The following NTNG1 variants were observed in gnomAD, a reference collection of about 807,000 sequenced individuals.
NTNG1 encodes netrin G1, also known as netrin-G1.
In NTNG1, 16 loss-of-function variants were observed where a neutral mutation model predicts 54.0. That is an observed-to-expected ratio of 0.30 (90% confidence interval 0.20 to 0.45). The LOEUF is 0.45. Among genes scored for constraint, NTNG1 ranks in the 20% least tolerant of loss-of-function variants. The pLI is 1.00. For synonymous variants in NTNG1, 255 were observed against 263.1 expected (o/e 0.97, Z 0.30); for missense variants, 530 against 678.7 (o/e 0.78, Z 2.43).
intron 4 of NTNG1, among the ~76,000 whole-genome samples, chr1:107,399,761 G>C (rs1672900752): frequency 7.2e-5 from 11 of 152,158 alleles, no homozygotes; most frequent in Admixed American, 7.2e-4. Context: ...GGTGGGTCTT[G>C]ACTCTGAGGA....
chr1:107,428,152 A>T (rs1412896576), intron 5 of NTNG1, among the ~76,000 whole-genome samples: 3 of 152,090 alleles, frequency 2.0e-5, no homozygotes, highest in Non-Finnish European at 2.9e-5. Context: ...ACATTTCCCT[A>T]ACTTCATACC....
intron 7 of NTNG1, among the ~76,000 whole-genome samples, chr1:107,447,204 A>T (rs1676358644): frequency 6.6e-6 from 1 of 152,054 alleles, no homozygotes; most frequent in South Asian, 2.1e-4. Context: ...TTTAATTAGT[A>T]TTGTTGACCC....
At position 107,229,856 on chromosome 1, in the gene NTNG1, G is replaced by A. The variant is rs117217001; in HGVS notation, c.246+81017G>A. 1.6e-4 allele frequency among the ~76,000 whole-genome samples: 25 copies of A among 152,076 alleles called. No homozygotes were observed. In the East Asian group the frequency reaches 4.5e-3, roughly 27 times the overall value. ...GCGATGATCCTCTGAGAGACAGCTG[G>A]AAGAAAATGCAGTGGTTCCTCTCTT... On this transcript the variant is annotated intron_variant, in intron 2 of 7. Coordinates refer to ENST00000370068, the MANE Select transcript of NTNG1 (RefSeq NM_001113226.3).
chr1:107,186,863 C>G (rs900301416), intron 2 of NTNG1, among the ~76,000 whole-genome samples: 13 of 152,096 alleles, frequency 8.5e-5, no homozygotes, highest in African/African-American at 3.1e-4. Flanking sequence ...GACATTCTAC[C>G]TGGATTATCT....
rs759511052 is a variant in NTNG1, at chr1:107,481,926, C to T, written c.*1086C>T. The T allele has an allele frequency of 2.0e-5, 3 of 152,240 alleles. No individual in the cohort carries two copies. The highest frequency in any genetic ancestry group is 4.4e-5 in the Non-Finnish European group (3 of 68,024). 9.4% of individuals were successfully genotyped at this position (152,240 alleles called of 1,614,324 possible). A position where few individuals can be genotyped will look rare whatever the true frequency, so the allele number is the denominator to read the frequency against. The stretch of plus-strand genomic sequence containing the variant: ...ACCAAGCAGTTTCACACTCACTTTA[C>T]TGATTTCTGTGTGGACTGAGTACAT... On this transcript the variant is annotated 3_prime_UTR_variant, in exon 8 of 8. Coordinates refer to ENST00000370068, the MANE Select transcript of NTNG1 (RefSeq NM_001113226.3).
At chr1:107,427,295 A>G (rs1557991071) in intron 5 of NTNG1, among the ~76,000 whole-genome samples, 1 of 152,072 alleles carries the variant, frequency 6.6e-6, no homozygotes, top group East Asian at 1.9e-4. Context: ...GGAGTATATA[A>G]AAGGAAGTGA....
chr1:107,179,886 G>T (rs1371712086), intron 2 of NTNG1, among the ~76,000 whole-genome samples: 1 of 152,132 alleles, frequency 6.6e-6, no homozygotes, highest in Non-Finnish European at 1.5e-5. Context: ...GAAGCATTGT[G>T]AGGGAGTAAG....
intron 3 of NTNG1, among the ~76,000 whole-genome samples, chr1:107,325,833 C>T (rs965548835): frequency 6.6e-6 from 1 of 151,848 alleles, no homozygotes; most frequent in Non-Finnish European, 1.5e-5. Context: ...GAAATAACAC[C>T]CCAGTAAAAA....
intron 5 of NTNG1, 51 bp downstream of exon 5, chr1:107,407,759 T>C (rs745715252): frequency 1.4e-5 from 20 of 1,476,094 alleles, no homozygotes; most frequent in Non-Finnish European, 1.8e-5. Context: ...TAGGCTAGCT[T>C]TGCTTTGTTG....
intron 2 of NTNG1, among the ~76,000 whole-genome samples, chr1:107,295,469 A>G (rs1185977671): frequency 1.3e-5 from 2 of 152,150 alleles, no homozygotes; most frequent in Non-Finnish European, 1.5e-5. Flanking sequence ...GGCTTATGCA[A>G]TTGACACCCA....
intron 3 of NTNG1, among the ~76,000 whole-genome samples, chr1:107,355,620 G>C (rs1669892751): frequency 6.6e-6 from 1 of 152,082 alleles, no homozygotes; most frequent in African/African-American, 2.4e-5. Context: ...AAACAAATAA[G>C]TTTCCTTGCC....
intron 4 of NTNG1, among the ~76,000 whole-genome samples, chr1:107,403,955 C>T (rs966811342): frequency 1.3e-5 from 2 of 151,664 alleles, no homozygotes; most frequent in African/African-American, 4.8e-5. Context: ...TCTTTCCTTC[C>T]TTCCGTTCTT....
intron 2 of NTNG1, among the ~76,000 whole-genome samples, chr1:107,174,068 T>G (rs1451017333): frequency 6.6e-6 from 1 of 152,198 alleles, no homozygotes; most frequent in Non-Finnish European, 1.5e-5. Flanking sequence ...GGTTTCAGTC[T>G]TCTAAACAAA....
intron 2 of NTNG1, among the ~76,000 whole-genome samples, chr1:107,295,669 G>A (rs1665899339): frequency 6.6e-6 from 1 of 152,018 alleles, no homozygotes; most frequent in Admixed American, 6.6e-5. Flanking sequence ...GAGAACCAGG[G>A]ATATAGTAGG....
chr1:107,397,061 T>A (rs570009746), intron 4 of NTNG1, among the ~76,000 whole-genome samples: 18 of 152,318 alleles, frequency 1.2e-4, no homozygotes, highest in African/African-American at 3.8e-4. Context: ...CATGGAAATG[T>A]CTCCTACCCC....
intron 2 of NTNG1, among the ~76,000 whole-genome samples, chr1:107,238,362 C>T (rs1339859318): frequency 1.3e-5 from 2 of 152,122 alleles, no homozygotes; most frequent in Non-Finnish European, 2.9e-5. Flanking sequence ...TTTACAGACT[C>T]ATACTTGCCT....
intron 7 of NTNG1, among the ~76,000 whole-genome samples, chr1:107,472,180 C>T (rs1485461452): frequency 6.6e-6 from 1 of 152,134 alleles, no homozygotes; most frequent in Non-Finnish European, 1.5e-5. Flanking sequence ...AAAAAACTAT[C>T]CCTGTTCCAT....
intron 2 of NTNG1, among the ~76,000 whole-genome samples, chr1:107,200,753 G>A (rs921564473): frequency 6.6e-6 from 1 of 151,716 alleles, no homozygotes; most frequent in African/African-American, 2.4e-5. Flanking sequence ...TTTCCTCCCT[G>A]AGCCCCTCCT....
intron 4 of NTNG1, among the ~76,000 whole-genome samples, chr1:107,396,391 A>T (rs1312825087): frequency 6.6e-6 from 1 of 152,208 alleles, no homozygotes; most frequent in Non-Finnish European, 1.5e-5. Flanking sequence ...GTATGGGGGC[A>T]TGAAATTATG....
Sources: allele counts gnomAD v4.1 joint callset (sites outside exome capture counted in the v4.1 genomes callset), GRCh38; gene constraint gnomAD v4.1.1; transcripts MANE v1.5; gene names NCBI Gene and HGNC (gene_info 2026-07-23, HGNC 2026-07-21).